The following PDIA4 variants were observed in gnomAD, a reference collection of about 807,000 sequenced individuals.
PDIA4 encodes protein disulfide isomerase family A member 4, also known as protein disulfide-isomerase A4.
Under a neutral mutation model 62.1 loss-of-function variants are expected in PDIA4, and 33 were observed. That is an observed-to-expected ratio of 0.53 (90% CI 0.40 to 0.71). The LOEUF (loss-of-function observed/expected upper bound fraction) is 0.71. Ranked by LOEUF, PDIA4 falls within the 30% of genes least tolerant of loss-of-function variation. The probability of loss-of-function intolerance (pLI) is 0.00; values close to 1 mark genes in which losing one functional copy is unlikely to be tolerated. For synonymous variants in PDIA4, 341 were observed against 324.1 expected, an observed-to-expected ratio of 1.05 and a Z score of -0.56; for missense variants, 804 against 813.6, an observed-to-expected ratio of 0.99 and a Z score of 0.14.
chr7:149,016,221 C>G (rs926574432), intron 3 of PDIA4, among the ~76,000 whole-genome samples: 9 of 152,116 alleles, frequency 5.9e-5, no homozygotes, highest in Non-Finnish European at 1.2e-4. Context: ...ACTTGAACCC[C>G]GGAGGTGGAG....
intron 4 of PDIA4, among the ~76,000 whole-genome samples, chr7:149,013,357 A>C (rs1260268159): frequency 6.6e-6 from 1 of 152,150 alleles, no homozygotes; most frequent in Non-Finnish European, 1.5e-5. Context: ...CACCCAAATG[A>C]ATTAAAGGGT....
At chr7:149,028,293 C>T (rs1315602220) in intron 1 of PDIA4, 28 bp downstream of exon 1, 1 of 1,496,566 alleles carries the variant, frequency 6.7e-7, no homozygotes, top group Admixed American at 2.0e-5. Flanking sequence ...GCAAGCACAG[C>T]CCGACCCGCG....
chr7:149,008,484 C>T (rs548882535), intron 6 of PDIA4, among the ~76,000 whole-genome samples, 174 bp from the exon 7 acceptor site: 126 of 151,868 alleles, frequency 8.3e-4, no homozygotes, highest in African/African-American at 2.9e-3. Flanking sequence ...AGGTGGATCA[C>T]TTGAGGTTAG....
chr7:149,013,295 G>A (rs2129504693), intron 4 of PDIA4, among the ~76,000 whole-genome samples: 1 of 152,266 alleles, frequency 6.6e-6, no homozygotes, highest in Middle Eastern at 3.4e-3. Flanking sequence ...GCACACAGGA[G>A]GCTCTCAGTC....
intron 2 of PDIA4, 27 bp from the exon 3 acceptor site, chr7:149,019,224 A>G (rs764092419): frequency 2.7e-6 from 4 of 1,498,316 alleles, no homozygotes; most frequent in Non-Finnish European, 2.8e-6. Context: ...GAAGGGCAAA[A>G]AACGTTAACT....
intron 1 of PDIA4, among the ~76,000 whole-genome samples, chr7:149,027,170 T>G (rs1824586742): frequency 6.6e-6 from 1 of 152,234 alleles, no homozygotes; most frequent in African/African-American, 2.4e-5. Context: ...GGCCCACCCC[T>G]GCATTCTGCT....
chr7:149,013,648 G>A (rs1331471472), intron 4 of PDIA4, among the ~76,000 whole-genome samples: 1 of 152,046 alleles, frequency 6.6e-6, no homozygotes, highest in Non-Finnish European at 1.5e-5. Context: ...CTCCAGCCCA[G>A]GTGACAAAGC....
rs761367368 is a variant in PDIA4 at position 149,019,106 on chromosome 7, C to A, written c.361G>T (p.Asp121Tyr). Residue 121 changes from aspartate (D) to tyrosine (Y), a missense_variant, in exon 3 of 10, where the codon GAT becomes TAT. Asp to Tyr is a radical substitution (Grantham distance 160). Coordinates refer to ENST00000652332, the MANE Select transcript of PDIA4 (RefSeq NM_004911.5). ...KDPPIPVAKIDATSASVLASR... is the reference protein window; with the variant it reads ...KDPPIPVAKIYATSASVLASR... ...GCCAGCACAGACGCTGAGGTTGCAT[C>A]GATCTTGGCAACAGGAATGGGAGGA... The A allele has an allele frequency of 6.2e-7, 1 of 1,613,690 alleles. No individual in the cohort carries two copies. The highest frequency in any genetic ancestry group is 1.1e-5 in the South Asian group (1 of 91,062).
At chr7:149,005,594 C>A (rs141635283) in intron 8 of PDIA4, among the ~76,000 whole-genome samples, 2 of 152,232 alleles carry the variant, frequency 1.3e-5, no homozygotes, top group African/African-American at 4.8e-5. Flanking sequence ...CCAGGTGGCA[C>A]GGCCACGCCT....
intron 9 of PDIA4, among the ~76,000 whole-genome samples, chr7:149,004,522 G>A (rs755965937): frequency 6.6e-6 from 1 of 152,256 alleles, no homozygotes; most frequent in Admixed American, 6.5e-5. Context: ...GGAGCCATGG[G>A]GGGGAGGTGC....
chr7:149,024,437 T>G (rs1482549935), intron 1 of PDIA4, among the ~76,000 whole-genome samples: 1 of 152,078 alleles, frequency 6.6e-6, no homozygotes, highest in African/African-American at 2.4e-5. Context: ...CACACATCCC[T>G]GCAAGCAAAA....
At chr7:149,023,172 C>T (rs1030864984) in intron 1 of PDIA4, among the ~76,000 whole-genome samples, 5 of 152,146 alleles carry the variant, frequency 3.3e-5, no homozygotes, top group Admixed American at 2.6e-4. Context: ...CCTGGGGTCT[C>T]GGGACTGCGT....
chr7:149,005,120 C>A (rs375851869), intron 9 of PDIA4, 21 bp downstream of exon 9: 1 of 1,580,802 alleles, frequency 6.3e-7, no homozygotes, highest in African/African-American at 1.3e-5. Context: ...TGGGAGACCC[C>A]AGCCCCAGCC....
At chr7:149,008,079 G>A (rs1823822190) in intron 7 of PDIA4, 80 bp downstream of exon 7, 2 of 1,362,472 alleles carry the variant, frequency 1.5e-6, no homozygotes, top group Non-Finnish European at 2.0e-6. Context: ...CTCCACGTTT[G>A]AAACCTCAGA....
intron 3 of PDIA4, 90 bp downstream of exon 3, chr7:149,018,897 GTCCCT>G (rs1395815372): frequency 1.0e-4 from 82 of 789,360 alleles, no homozygotes; most frequent in Non-Finnish European, 1.5e-4. Context: ...GAGAAAGTCA[GTCCCT>G]GGTACCCTCA....
intron 8 of PDIA4, 86 bp from the exon 9 acceptor site, chr7:149,005,460 G>A (rs959291667): frequency 8.5e-6 from 7 of 825,446 alleles, no homozygotes; most frequent in African/African-American, 3.4e-5. Flanking sequence ...AGGTCCTGTC[G>A]CTAATATTCT....
chr7:149,023,697 G>A (rs957804644), intron 1 of PDIA4, among the ~76,000 whole-genome samples: 1 of 152,194 alleles, frequency 6.6e-6, no homozygotes, highest in African/African-American at 2.4e-5. Flanking sequence ...AGCTAGGAGA[G>A]GAAGGGAAAC....
intron 1 of PDIA4, among the ~76,000 whole-genome samples, chr7:149,027,127 C>T (rs1378811122): frequency 2.0e-5 from 3 of 152,216 alleles, no homozygotes; most frequent in Non-Finnish European, 4.4e-5. Context: ...TTCTATGTCT[C>T]AAGGGAAAAC....
At chr7:149,019,817 A>T (rs1206716834) in intron 2 of PDIA4, among the ~76,000 whole-genome samples, 1 of 152,254 alleles carries the variant, frequency 6.6e-6, no homozygotes, top group African/African-American at 2.4e-5. Flanking sequence ...TCTCAAAAAA[A>T]TTTTTTTTTA....
Sources: gnomAD v4.1 joint callset for allele counts (sites outside exome capture counted in the v4.1 genomes callset) on GRCh38, gnomAD v4.1.1 for gene constraint, MANE v1.5 for transcripts, NCBI Gene and HGNC (gene_info 2026-07-23, HGNC 2026-07-21) for gene names.